The following GLIS1 variants were observed in gnomAD, a reference collection of about 807,000 sequenced individuals.
The protein encoded by GLIS1 is GLIS family zinc finger 1, also known as zinc finger protein GLIS1.
A neutral mutation model predicts 63.8 loss-of-function variants in GLIS1; 24 were observed. That is an observed-to-expected ratio of 0.38 (90% confidence interval 0.27 to 0.53). The LOEUF is 0.53. Among genes scored for constraint, GLIS1 ranks in the 20% least tolerant of loss-of-function variants. The pLI is 0.85. For synonymous variants in GLIS1, 450 were observed against 482.5 expected (o/e 0.93, Z 0.88); for missense variants, 1,036 against 1,074.1 (o/e 0.96, Z 0.50).
At chr1:53,595,882 T>C (rs532982464) in intron 3 of GLIS1, among the ~76,000 whole-genome samples, 1 of 152,096 alleles carries the variant, frequency 6.6e-6, no homozygotes, top group African/African-American at 2.4e-5. Context: ...TTCTGAGGGG[T>C]CCCAGGGTTT....
chr1:53,579,444 C>T (rs921938907), intron 4 of GLIS1, among the ~76,000 whole-genome samples: 6 of 152,242 alleles, frequency 3.9e-5, no homozygotes, highest in Admixed American at 1.3e-4. Flanking sequence ...AGGCTGAAAC[C>T]GCTGCTCAGG....
chr1:53,597,229 C>T (rs555261265), intron 3 of GLIS1, among the ~76,000 whole-genome samples: 6 of 131,072 alleles, frequency 4.6e-5, no homozygotes, highest in East Asian at 4.8e-4. Flanking sequence ...AAAAATTAGC[C>T]GGGTGTGGTG....
At chr1:53,640,084 G>A (rs1645769841) in intron 2 of GLIS1, among the ~76,000 whole-genome samples, 2 of 152,152 alleles carry the variant, frequency 1.3e-5, no homozygotes, top group African/African-American at 4.8e-5. Flanking sequence ...TCAGAGAAGG[G>A]ACATACTAGC....
intron 4 of GLIS1, among the ~76,000 whole-genome samples, chr1:53,538,911 T>A (rs1644610069): frequency 6.6e-6 from 1 of 151,620 alleles, no homozygotes; most frequent in African/African-American, 2.4e-5. Context: ...ATCAAGAGAG[T>A]CACCCTTCCA....
intron 2 of GLIS1, among the ~76,000 whole-genome samples, chr1:53,702,710 G>A (rs1646536972): frequency 6.6e-6 from 1 of 152,214 alleles, no homozygotes; most frequent in Non-Finnish European, 1.5e-5. Flanking sequence ...AATGAGGAAC[G>A]ACTGTGTCGA....
intron 2 of GLIS1, among the ~76,000 whole-genome samples, chr1:53,634,005 G>C (rs1044369078): frequency 1.4e-4 from 21 of 152,122 alleles, no homozygotes; most frequent in African/African-American, 5.1e-4. Context: ...CAGAGGCATC[G>C]GGATTTATCA....
intron 2 of GLIS1, among the ~76,000 whole-genome samples, chr1:53,609,161 AT>A (rs1311277420): frequency 6.6e-6 from 1 of 151,044 alleles, no homozygotes; most frequent in African/African-American, 2.4e-5. Context: ...CTACAAAATA[AT>A]TTTTATCCAC....
chr1:53,571,612 T>G (rs2100466527), intron 4 of GLIS1, among the ~76,000 whole-genome samples: 2 of 152,282 alleles, frequency 1.3e-5, no homozygotes, highest in Admixed American at 1.3e-4. Flanking sequence ...AGTCTCACTC[T>G]GTCACTCAGT....
At chr1:53,716,551 T>TA (rs1048986772) in intron 2 of GLIS1, among the ~76,000 whole-genome samples, 4 of 152,120 alleles carry the variant, frequency 2.6e-5, no homozygotes, top group African/African-American at 9.7e-5. Context: ...AAAGATGGTT[T>TA]AAAATCCTAA....
chr1:53,715,687 T>C (rs1436977674), intron 2 of GLIS1, among the ~76,000 whole-genome samples: 1 of 151,942 alleles, frequency 6.6e-6, no homozygotes, highest in African/African-American at 2.4e-5. Context: ...GAGCTGCCGG[T>C]GCAGGGAGAC....
chr1:53,532,768 T>G (rs1451284573), intron 4 of GLIS1, among the ~76,000 whole-genome samples: 1 of 151,942 alleles, frequency 6.6e-6, no homozygotes, highest in Non-Finnish European at 1.5e-5. Flanking sequence ...TGTGGGAGAG[T>G]GCTGGAAGGT....
chr1:53,531,373 C>A (rs1343603178), intron 4 of GLIS1, among the ~76,000 whole-genome samples: 2 of 152,234 alleles, frequency 1.3e-5, no homozygotes, highest in African/African-American at 4.8e-5. Context: ...CTGGCGCTCC[C>A]AAAGCCTGCT....
At chr1:53,592,703 CCTGTCCAATGCA>C (rs1190141422) in intron 4 of GLIS1, among the ~76,000 whole-genome samples, 2 of 152,264 alleles carry the variant, frequency 1.3e-5, no homozygotes, top group African/African-American at 4.8e-5. Context: ...AAAGTCTCAG[CCTGTCCAATGCA>C]CTCTCCCCAC....
intron 2 of GLIS1, among the ~76,000 whole-genome samples, chr1:53,629,463 G>T (rs1645629502): frequency 6.6e-6 from 1 of 152,164 alleles, no homozygotes; most frequent in Non-Finnish European, 1.5e-5. Flanking sequence ...TCTTAATGGT[G>T]CCCTAGAAAT....
intron 3 of GLIS1, among the ~76,000 whole-genome samples, chr1:53,599,685 G>A (rs1345352497): frequency 6.6e-6 from 1 of 152,258 alleles, no homozygotes; most frequent in African/African-American, 2.4e-5. Flanking sequence ...AGCACTGAGT[G>A]GACAGCTACC....
At chr1:53,567,970 C>T (rs1342743185) in intron 4 of GLIS1, among the ~76,000 whole-genome samples, 1 of 152,182 alleles carries the variant, frequency 6.6e-6, no homozygotes, top group Non-Finnish European at 1.5e-5. Context: ...GGGGTTGGAG[C>T]CCCCACACAG....
At chr1:53,647,081 G>A (rs562342199) in intron 2 of GLIS1, among the ~76,000 whole-genome samples, 25 of 152,324 alleles carry the variant, frequency 1.6e-4, no homozygotes, top group Non-Finnish European at 2.9e-4. Context: ...TCATGGGTCA[G>A]AAGATTCCAA....
rs568478292 is a variant in GLIS1, at chr1:53,619,634, G to A, written c.260-19356C>T. Among the ~76,000 whole-genome samples the A allele has an allele frequency of 3.3e-5, 5 of 152,328 alleles. No homozygotes were observed. In the South Asian group the frequency reaches 1.0e-3, roughly 32 times the overall value. On this transcript the variant is annotated intron_variant, in intron 2 of 10. Coordinates refer to ENST00000628545, the MANE Select transcript of GLIS1 (RefSeq NM_001367484.1). Reference sequence around the variant, plus strand: ...ATACTTGGGGTTCATCCCCAGGGCTGGTGATTCCAGACTACAGTCCTCAGC... The same window carrying A: ...ATACTTGGGGTTCATCCCCAGGGCTAGTGATTCCAGACTACAGTCCTCAGC...
intron 4 of GLIS1, among the ~76,000 whole-genome samples, chr1:53,557,261 C>T (rs141539209): frequency 1.1e-3 from 160 of 152,160 alleles, no homozygotes; most frequent in African/African-American, 3.7e-3. Context: ...ACACTTTGTC[C>T]ATAGTATCAT....
Sources: allele counts gnomAD v4.1 joint callset (sites outside exome capture counted in the v4.1 genomes callset), GRCh38; gene constraint gnomAD v4.1.1; transcripts MANE v1.5; gene names NCBI Gene and HGNC (gene_info 2026-07-23, HGNC 2026-07-21).